Variants in CFAP54 observed in about 807,000 individuals in gnomAD.
The protein encoded by CFAP54 is cilia- and flagella-associated protein 54.
CFAP54 carries 290 observed loss-of-function variants against 370.4 expected under a neutral mutation model. That is an observed-to-expected ratio of 0.78 (90% CI 0.71 to 0.86). The LOEUF (loss-of-function observed/expected upper bound fraction) is 0.86, where lower values mean the gene tolerates loss of function less well. Ranked by LOEUF, CFAP54 falls within the 40% of genes least tolerant of loss-of-function variation. CFAP54 has a pLI of 0.00. For synonymous variants in CFAP54, 1,206 were observed against 1,236.5 expected (o/e 0.98, Z 0.52); for missense variants, 3,399 against 3,528.7 (o/e 0.96, Z 0.93).
chr12:96,593,319 G>GT (rs946801602), intron 24 of CFAP54, among the ~76,000 whole-genome samples: 10 of 150,680 alleles, frequency 6.6e-5, no homozygotes, highest in African/African-American at 2.0e-4. Flanking sequence ...CCTTCTTTAG[G>GT]TATGGATGTT....
rs200747439 is a variant in CFAP54, at chr12:96,798,447, T to TAAC, written c.8850+5948_8850+5949insAAC. Among the ~76,000 whole-genome samples, 1,447 of 152,302 alleles carry TAAC rather than the reference T, an allele frequency of 9.5e-3. 52 individuals are homozygous for TAAC. The East Asian group carries it at 0.1, about 11-fold the overall frequency. On this transcript the variant is annotated intron_variant, in intron 63 of 67. Transcript: ENST00000524981. ...AAAACCTCATCTACTCATTTCCATT[T>TAAC]TTGCTGTTGAGAGTTAAGCCGTTGC...
At chr12:96,634,851 T>C (rs939900644) in intron 32 of CFAP54, among the ~76,000 whole-genome samples, 2 of 152,244 alleles carry the variant, frequency 1.3e-5, no homozygotes, top group African/African-American at 4.8e-5. Context: ...CCTTCTTCCA[T>C]TGAATCACTT....
intron 55 of CFAP54, among the ~76,000 whole-genome samples, chr12:96,748,934 C>A (rs1958151598): frequency 6.6e-6 from 1 of 152,200 alleles, no homozygotes; most frequent in South Asian, 2.1e-4. Context: ...TGCCTAGTCA[C>A]TCTCTGTTCT....
In CFAP54 at chr12:96,823,708, G is replaced by A. The variant is rs557936903; in HGVS notation, c.9097-5306G>A. On this transcript the variant is annotated intron_variant, in intron 65 of 67. Coordinates refer to ENST00000524981, the MANE Select transcript of CFAP54 (RefSeq NM_001306084.2). ...TTTGTTCATCTCCTATTCCTCCTTC[G>A]TGGCCTATAGGAGGAATTTGATTGA... Among the ~76,000 whole-genome samples, 7 of 152,128 alleles carry A rather than the reference G, an allele frequency of 4.6e-5. No individual in the cohort carries two copies. The East Asian group carries it at 5.8e-4, about 13-fold the overall frequency.
chr12:96,552,845 A>G lies in CFAP54; in HGVS notation c.2155-1337A>G, dbSNP rs565065495. Among the ~76,000 whole-genome samples, 15 of 152,298 alleles carry G rather than the reference A, an allele frequency of 9.8e-5. No individual in the cohort carries two copies. In the South Asian group the frequency reaches 3.1e-3, roughly 32 times the overall value. On this transcript the variant is annotated intron_variant, in intron 15 of 67. Transcript: ENST00000524981. The stretch of plus-strand genomic sequence containing the variant: ...GGAAACCTGGAACTATATTTCCAGC[A>G]TCTCATTTCTGTATAGTTTTAAATT...
intron 50 of CFAP54, among the ~76,000 whole-genome samples, chr12:96,724,654 T>C (rs1957806968): frequency 6.6e-6 from 1 of 152,192 alleles, no homozygotes; most frequent in East Asian, 1.9e-4. Context: ...TAGTTTCTTT[T>C]GCTGTGCAGA....
At chr12:96,518,180 G>T (rs1252097724) in intron 5 of CFAP54, among the ~76,000 whole-genome samples, 2 of 152,152 alleles carry the variant, frequency 1.3e-5, no homozygotes, top group African/African-American at 4.8e-5. Flanking sequence ...CCAAAATCCA[G>T]GTTTATTTGA....
At chr12:96,651,899 T>G (rs935487114) in intron 36 of CFAP54, 84 bp downstream of exon 36, 6 of 859,360 alleles carry the variant, frequency 7.0e-6, no homozygotes, top group African/African-American at 1.7e-5. Context: ...AAACTGTTTT[T>G]TTTTTTATTT....
intron 39 of CFAP54, among the ~76,000 whole-genome samples, chr12:96,675,108 G>A (rs1202538430): frequency 6.6e-6 from 1 of 151,960 alleles, no homozygotes; most frequent in Non-Finnish European, 1.5e-5. Context: ...AAACTAAAGA[G>A]CTTCTGCACA....
At chr12:96,679,333 G>A (rs1957245044) in intron 39 of CFAP54, among the ~76,000 whole-genome samples, 1 of 151,722 alleles carries the variant, frequency 6.6e-6, no homozygotes, top group Non-Finnish European at 1.5e-5. Context: ...GGCTTCATGG[G>A]GAAAATTGGC....
intron 2 of CFAP54, among the ~76,000 whole-genome samples, chr12:96,501,405 G>C (rs991660207): frequency 2.2e-4 from 34 of 152,090 alleles, no homozygotes; most frequent in African/African-American, 8.2e-4. Flanking sequence ...TTAATGTTTT[G>C]CTGTATGTAA....
intron 63 of CFAP54, 125 bp downstream of exon 63, chr12:96,792,624 C>A: frequency 1.6e-6 from 1 of 607,924 alleles, no homozygotes; most frequent in Non-Finnish European, 2.6e-6. Flanking sequence ...AATATATAAT[C>A]TACATTGTCT....
At chr12:96,565,994 A>G (rs1592853941) in intron 19 of CFAP54, among the ~76,000 whole-genome samples, 2 of 152,182 alleles carry the variant, frequency 1.3e-5, no homozygotes, top group East Asian at 1.9e-4. Flanking sequence ...AGTTTAATAA[A>G]AGGCTTGCCC....
Position 96,816,045 on chromosome 12 carries a change from C to G in CFAP54, c.8958-1730C>G, listed in dbSNP as rs139140512. Among the ~76,000 whole-genome samples the G allele has an allele frequency of 9.6e-3, 1,464 of 152,166 alleles. 56 individuals are homozygous for G. In the East Asian group the frequency reaches 0.1, roughly 11 times the overall value. ...GCTTAGTACTGTCTTGGCTGTATAG[C>G]TTCTTTTTTGGTTCCATATGAAATT... On this transcript the variant is annotated intron_variant, in intron 64 of 67. Transcript: ENST00000524981.
At chr12:96,556,255 T>C (rs1159461877) in intron 17 of CFAP54, among the ~76,000 whole-genome samples, 1 of 151,870 alleles carries the variant, frequency 6.6e-6, no homozygotes, top group Non-Finnish European at 1.5e-5. Context: ...AATGAATACA[T>C]TAATACATTT....
At chr12:96,682,288 C>T in intron 40 of CFAP54, 3 of 985,744 alleles carry the variant, frequency 3.0e-6, no homozygotes, top group Non-Finnish European at 2.4e-6. Context: ...AAGCAAACTT[C>T]CATATTCACA....
At chr12:96,691,988 T>C (rs1451254287) in intron 44 of CFAP54, among the ~76,000 whole-genome samples, 1 of 152,138 alleles carries the variant, frequency 6.6e-6, no homozygotes, top group South Asian at 2.1e-4. Flanking sequence ...TCGCATCTCT[T>C]TTTCTCCTTT....
intron 29 of CFAP54, 99 bp from the exon 30 acceptor site, chr12:96,626,714 C>T (rs1039724486): frequency 1.7e-6 from 1 of 574,996 alleles, no homozygotes; most frequent in Non-Finnish European, 2.7e-6. Flanking sequence ...GATTAATAAA[C>T]TTGCCTGTTG....
chr12:96,801,596 C>T (rs776801066), intron 63 of CFAP54, among the ~76,000 whole-genome samples: 7 of 152,292 alleles, frequency 4.6e-5, no homozygotes, highest in South Asian at 2.1e-4. Context: ...GTCTCCAGAT[C>T]GTACCTTAGG....
Sources: allele counts gnomAD v4.1 joint callset (sites outside exome capture counted in the v4.1 genomes callset), GRCh38; gene constraint gnomAD v4.1.1; transcripts MANE v1.5; gene names NCBI Gene and HGNC (gene_info 2026-07-23, HGNC 2026-07-21).